Variants in PARD6G observed in about 807,000 individuals in gnomAD.
The protein encoded by PARD6G is partitioning defective 6 homolog gamma.
Under a neutral mutation model 10.7 loss-of-function variants are expected in PARD6G, and 7 were observed. The observed-to-expected ratio is 0.66, with a 90% confidence interval of 0.37 to 1.23. PARD6G has a LOEUF of 1.23. PARD6G is among the 50% of genes most tolerant of loss of function. The pLI, the probability that PARD6G is intolerant of heterozygous loss-of-function variation, is 0.02. For missense variants in PARD6G, 548 were observed against 571.8 expected, an observed-to-expected ratio of 0.96 and a Z score of 0.42; for synonymous variants, 287 against 269.4, an observed-to-expected ratio of 1.07 and a Z score of -0.64.
At chr18:80,202,275 A>G (rs1967014930) in intron 2 of PARD6G, among the ~76,000 whole-genome samples, 2 of 152,234 alleles carry the variant, frequency 1.3e-5, no homozygotes, top group South Asian at 4.1e-4. Context: ...ATTTTAACAT[A>G]AAATGATATT....
At chr18:80,238,655 T>G (rs918520921) in intron 1 of PARD6G, among the ~76,000 whole-genome samples, 1 of 152,120 alleles carries the variant, frequency 6.6e-6, no homozygotes, top group Non-Finnish European at 1.5e-5. Context: ...GTTCTGCATC[T>G]TGACCACCAA....
intron 2 of PARD6G, among the ~76,000 whole-genome samples, chr18:80,177,608 A>C (rs1266349613): frequency 1.3e-5 from 2 of 151,596 alleles, no homozygotes; most frequent in Non-Finnish European, 2.9e-5. Context: ...ACACAAACAC[A>C]CAGACACACA....
At chr18:80,174,801 A>G (rs947908507) in intron 2 of PARD6G, among the ~76,000 whole-genome samples, 4 of 152,134 alleles carry the variant, frequency 2.6e-5, no homozygotes, top group African/African-American at 9.7e-5. Context: ...AAAAATACAA[A>G]AAATTAGCCG....
rs544943796 is a variant in PARD6G, at chr18:80,199,656, T to C, written c.295+3054A>G. On this transcript the variant is annotated intron_variant, in intron 2 of 2. Transcript: ENST00000353265. The stretch of plus-strand genomic sequence containing the variant: ...TAAGCAACAGATTAATTTTTCTTTT[T>C]TTCTGAGACGGAGTTTCGCTCTGTC... Among the ~76,000 whole-genome samples the C allele has an allele frequency of 2.0e-5, 3 of 152,310 alleles. No individual in the cohort carries two copies. In the East Asian group the frequency reaches 5.8e-4, roughly 29 times the overall value.
chr18:80,199,842 A>C (rs1481349358), intron 2 of PARD6G, among the ~76,000 whole-genome samples: 1 of 152,062 alleles, frequency 6.6e-6, no homozygotes, highest in Non-Finnish European at 1.5e-5. Flanking sequence ...ATAGGGTTTC[A>C]CCATGTTGGC....
At position 80,243,870 on chromosome 18, in the gene PARD6G, G is replaced by A. The variant is rs971367696; in HGVS notation, c.72+3407C>T. ...AAGAAAGCGTGGGCCGAGGGCATGA[G>A]CAGCGGGCCATCTACGCTCACGTCT... On this transcript the variant is annotated intron_variant, in intron 1 of 2. Coordinates refer to ENST00000353265, the MANE Select transcript of PARD6G (RefSeq NM_032510.4). 5.9e-5 allele frequency among the ~76,000 whole-genome samples: 9 copies of A among 152,282 alleles called. No individual in the cohort carries two copies. The East Asian group carries it at 1.5e-3, about 26-fold the overall frequency.
chr18:80,243,566 C>T (rs1157015683), intron 1 of PARD6G, among the ~76,000 whole-genome samples: 1 of 152,112 alleles, frequency 6.6e-6, no homozygotes, highest in Non-Finnish European at 1.5e-5. Context: ...ATTATTTAAT[C>T]AGGAAGCACA....
At chr18:80,185,240 G>A (rs935339224) in intron 2 of PARD6G, among the ~76,000 whole-genome samples, 3 of 152,140 alleles carry the variant, frequency 2.0e-5, no homozygotes, top group African/African-American at 7.2e-5. Flanking sequence ...CTCGCTGGGA[G>A]GAGTGGGTCA....
intron 2 of PARD6G, among the ~76,000 whole-genome samples, chr18:80,166,680 A>C (rs1241275994): frequency 6.6e-6 from 1 of 151,324 alleles, no homozygotes; most frequent in Non-Finnish European, 1.5e-5. Flanking sequence ...CTGGCTCCTT[A>C]CATCCTCAGA....
intron 1 of PARD6G, among the ~76,000 whole-genome samples, chr18:80,219,102 G>A (rs1967202239): frequency 6.6e-6 from 1 of 152,254 alleles, no homozygotes; most frequent in South Asian, 2.1e-4. Flanking sequence ...CCTCTGACAT[G>A]CACTGGAGAC....
rs1406920186 is a variant in PARD6G, at chr18:80,182,502, C to A, written c.295+20208G>T. Reference sequence around the variant, plus strand: ...TTGTTATTGCCAAGGAAGCCATCTTCCCCTGCTTTGACACCTCAACTGTGA... The same window carrying A: ...TTGTTATTGCCAAGGAAGCCATCTTACCCTGCTTTGACACCTCAACTGTGA... On this transcript the variant is annotated intron_variant, in intron 2 of 2. Transcript: ENST00000353265. This position sits in a 1 kb window ranked among gnomAD's most constrained non-coding sequence, Gnocchi z 4.5. 6.6e-6 allele frequency among the ~76,000 whole-genome samples: 1 copy of A among 152,256 alleles called. No individual in the cohort carries two copies. Among genetic ancestry groups the A allele is most frequent in the African/African-American group, 2.4e-5 (1 of 41,466 alleles).
At position 80,246,750 on chromosome 18, in the gene PARD6G, G is replaced by C. The variant is rs2145312205; in HGVS notation, c.72+527C>G. The stretch of plus-strand genomic sequence containing the variant: ...CGCGGGGGAGCGCGCCTGGTGCCTA[G>C]ATGTTTGGTACCGAGCGGGTGGGGG... On this transcript the variant is annotated intron_variant, in intron 1 of 2. Coordinates refer to ENST00000353265, the MANE Select transcript of PARD6G (RefSeq NM_032510.4). The surrounding 1 kb of genome is among the most constrained non-coding windows in gnomAD (Gnocchi z 6.7). Among the ~76,000 whole-genome samples the C allele has an allele frequency of 6.6e-6, 1 of 152,210 alleles. No homozygotes were observed. Among genetic ancestry groups the C allele is most frequent in the African/African-American group, 2.4e-5 (1 of 41,548 alleles).
chr18:80,241,703 A>C (rs1967492291), intron 1 of PARD6G, among the ~76,000 whole-genome samples: 1 of 152,156 alleles, frequency 6.6e-6, no homozygotes, highest in Non-Finnish European at 1.5e-5. Flanking sequence ...CCTACACAGG[A>C]GCATGTACCT....
Position 80,201,298 on chromosome 18 carries a change from A to AGGGCAGG in PARD6G, c.295+1405_295+1411dup, listed in dbSNP as rs1174755809. ...GCAATGTGAAGGGGTAGAGAGTTCC[A>AGGGCAGG]GGGCAGGGGGCAGGGGGCACAGGCC... is the stretch of plus-strand genomic sequence containing the variant. On this transcript the variant is annotated intron_variant, in intron 2 of 2. Coordinates refer to ENST00000353265, the MANE Select transcript of PARD6G (RefSeq NM_032510.4). The surrounding 1 kb of genome is among the most constrained non-coding windows in gnomAD (Gnocchi z 5.9). Among the ~76,000 whole-genome samples the AGGGCAGG allele has an allele frequency of 2.0e-5, 3 of 152,204 alleles. No individual in the cohort carries two copies. Among genetic ancestry groups the AGGGCAGG allele is most frequent in the Admixed American group, 6.5e-5 (1 of 15,282 alleles).
intron 2 of PARD6G, among the ~76,000 whole-genome samples, chr18:80,179,956 G>T (rs918007807): frequency 9.9e-5 from 15 of 152,250 alleles, no homozygotes; most frequent in African/African-American, 3.4e-4. Context: ...ATCTCAGAGG[G>T]GCACCCAGCT....
intron 1 of PARD6G, among the ~76,000 whole-genome samples, chr18:80,237,308 C>T (rs1967435399): frequency 6.6e-6 from 1 of 152,082 alleles, no homozygotes; most frequent in Admixed American, 6.5e-5. Flanking sequence ...ATGTAGAAAG[C>T]TGAAACTGGA....
intron 1 of PARD6G, among the ~76,000 whole-genome samples, chr18:80,213,049 T>A (rs567103241): frequency 2.0e-5 from 3 of 152,314 alleles, no homozygotes; most frequent in East Asian, 3.9e-4. Flanking sequence ...TTTATATCAA[T>A]CAGCCCATAG....
At chr18:80,174,713 G>A (rs532266368) in intron 2 of PARD6G, among the ~76,000 whole-genome samples, 28 of 152,206 alleles carry the variant, frequency 1.8e-4, no homozygotes, top group African/African-American at 6.7e-4. Context: ...CCAGCACTTT[G>A]GGAGGCCGAG....
At chr18:80,238,255 A>C (rs1359810421) in intron 1 of PARD6G, among the ~76,000 whole-genome samples, 1 of 152,130 alleles carries the variant, frequency 6.6e-6, no homozygotes, top group East Asian at 1.9e-4. Flanking sequence ...AAAACCAAAC[A>C]CTGCATGTTC....
Sources: allele counts gnomAD v4.1 joint callset (sites outside exome capture counted in the v4.1 genomes callset), GRCh38; gene constraint gnomAD v4.1.1; non-coding constraint Gnocchi (gnomAD v3.1); transcripts MANE v1.5; gene names NCBI Gene and HGNC (gene_info 2026-07-23, HGNC 2026-07-21).